CEP112: variants seen among roughly 807,000 people sequenced by gnomAD.
CEP112 encodes the protein centrosomal protein of 112 kDa.
Under a neutral mutation model 153.0 loss-of-function variants are expected in CEP112, and 127 were observed. The observed-to-expected ratio is 0.83, with a 90% CI of 0.72 to 0.96. The LOEUF (loss-of-function observed/expected upper bound fraction) is 0.96, where lower values mean the gene tolerates loss of function less well. Ranked by LOEUF, CEP112 falls within the 40% of genes least tolerant of loss-of-function variation. The pLI, the probability that CEP112 is intolerant of heterozygous loss-of-function variation, is 0.00. For synonymous variants in CEP112, 358 were observed against 374.4 expected (o/e 0.96, Z 0.51); for missense variants, 1,089 against 1,101.2 (o/e 0.99, Z 0.16).
intron 11 of CEP112, among the ~76,000 whole-genome samples, chr17:66,061,095 T>A (rs2066905061): frequency 6.6e-6 from 1 of 151,912 alleles, no homozygotes; most frequent in Admixed American, 6.6e-5. Flanking sequence ...GATTAAAAAA[T>A]AACCTAATGA....
intron 11 of CEP112, among the ~76,000 whole-genome samples, chr17:66,061,671 G>A (rs117930011): frequency 3.8e-3 from 582 of 152,166 alleles, no homozygotes; most frequent in South Asian, 8.3e-3. Context: ...GAAGGACATT[G>A]TGTTCAGTGG....
At chr17:66,157,321 C>T (rs1598459258) in intron 4 of CEP112, among the ~76,000 whole-genome samples, 2 of 152,188 alleles carry the variant, frequency 1.3e-5, no homozygotes, top group South Asian at 2.1e-4. Flanking sequence ...TACAGACGAG[C>T]AAATGTTGAG....
intron 16 of CEP112, among the ~76,000 whole-genome samples, chr17:66,023,010 A>C (rs146838600): frequency 0.01 from 1,547 of 152,194 alleles, 11 homozygotes; most frequent in Middle Eastern, 0.02. Context: ...GTTAAACAAA[A>C]ATAAACTAAA....
rs181051275 is a variant in CEP112 at position 65,826,112 on chromosome 17, G to A, written c.2394+25692C>T. 8.7e-6 allele frequency: 14 copies of A among 1,605,892 alleles called. No homozygotes were observed. The East Asian group carries it at 1.1e-4, about 13-fold the overall frequency. On this transcript the variant is annotated intron_variant, in intron 21 of 26. Coordinates refer to ENST00000535342, the MANE Select transcript of CEP112 (RefSeq NM_001199165.4). Reference sequence around the variant, plus strand: ...TTTTTCAGCAAGATCCCTATGTCAGGAGGACAGAGGTTGTCTTGTTCTTAC... The same window carrying A: ...TTTTTCAGCAAGATCCCTATGTCAGAAGGACAGAGGTTGTCTTGTTCTTAC...
At chr17:65,889,025 GC>G (rs1291289238) in intron 20 of CEP112, among the ~76,000 whole-genome samples, 1 of 152,106 alleles carries the variant, frequency 6.6e-6, no homozygotes, top group African/African-American at 2.4e-5. Flanking sequence ...AGGCGTGAAG[GC>G]TTTCTTAGTA....
rs144584656 is a variant in CEP112 at position 65,690,792 on chromosome 17, G to A, written c.2608-1574C>T. The stretch of plus-strand genomic sequence containing the variant: ...ATCAAAGCAGCAGCAGTGAAGTCAA[G>A]GACATAACAGGGTTCAAGTCACATC... On this transcript the variant is annotated intron_variant, in intron 23 of 26. Coordinates refer to ENST00000535342, the MANE Select transcript of CEP112 (RefSeq NM_001199165.4). Among the ~76,000 whole-genome samples the A allele has an allele frequency of 2.9e-4, 44 of 152,314 alleles. 1 individual carries two copies. Among genetic ancestry groups the A allele is most frequent in the Admixed American group, 2.4e-3 (36 of 15,294 alleles).
At chr17:65,998,761 T>A (rs2063896387) in intron 17 of CEP112, among the ~76,000 whole-genome samples, 1 of 152,140 alleles carries the variant, frequency 6.6e-6, no homozygotes, top group South Asian at 2.1e-4. Flanking sequence ...AGAGGGAACA[T>A]CTTATTATCT....
At position 65,837,148 on chromosome 17, in the gene CEP112, C is replaced by A. The variant is rs531329232; in HGVS notation, c.2394+14656G>T. 6.6e-5 allele frequency among the ~76,000 whole-genome samples: 10 copies of A among 152,290 alleles called. No individual in the cohort carries two copies. The South Asian group carries it at 2.1e-3, about 32-fold the overall frequency. On this transcript the variant is annotated intron_variant, in intron 21 of 26. Coordinates refer to ENST00000535342, the MANE Select transcript of CEP112 (RefSeq NM_001199165.4). ...GGAGTGCAGTGGCGTGATCTCGGCT[C>A]GCTACAACCTCCACATCCCAGCCGC... is the stretch of plus-strand genomic sequence containing the variant.
In CEP112 at chr17:65,770,939, A is replaced by G. The variant is rs2053314236; in HGVS notation, c.2395-20215T>C. 2.6e-5 allele frequency among the ~76,000 whole-genome samples: 4 copies of G among 151,474 alleles called. No homozygotes were observed. The South Asian group carries it at 8.3e-4, about 31-fold the overall frequency. ...GCAAGACTCCGTCTTAAAAAAAAAAAAAAAAGAAATAATTCAATAAAAGGT... is the reference window on the plus strand; with the variant it reads ...GCAAGACTCCGTCTTAAAAAAAAAAGAAAAAGAAATAATTCAATAAAAGGT... On this transcript the variant is annotated intron_variant, in intron 21 of 26. Transcript: ENST00000535342.
chr17:65,744,113 C>T (rs1034082781), intron 22 of CEP112, among the ~76,000 whole-genome samples: 3 of 152,030 alleles, frequency 2.0e-5, no homozygotes, highest in Non-Finnish European at 2.9e-5. Flanking sequence ...AGGACAAATA[C>T]CTTACGTTGT....
At chr17:65,729,911 T>TCAAACAAA (rs67336747) in intron 23 of CEP112, among the ~76,000 whole-genome samples, 3 of 151,232 alleles carry the variant, frequency 2.0e-5, no homozygotes, top group African/African-American at 7.3e-5. Flanking sequence ...AGATCCTGTC[T>TCAAACAAA]CAAACAAACA....
intron 21 of CEP112, among the ~76,000 whole-genome samples, chr17:65,812,149 G>A (rs1383440123): frequency 2.0e-5 from 3 of 151,738 alleles, no homozygotes; most frequent in Non-Finnish European, 4.4e-5. Context: ...GACTACAGGC[G>A]CCCGCCACCA....
chr17:65,796,869 C>CAAAAAAAAA (rs1220753944), intron 21 of CEP112, among the ~76,000 whole-genome samples: 1 of 40,572 alleles, frequency 2.5e-5, no homozygotes, highest in African/African-American at 8.4e-5. Context: ...CCCATCTCTA[C>CAAAAAAAAA]AAAAAAAAAA....
chr17:65,970,287 G>T (rs1196398670), intron 17 of CEP112, among the ~76,000 whole-genome samples: 4 of 147,844 alleles, frequency 2.7e-5, no homozygotes, highest in Non-Finnish European at 6.0e-5. Context: ...ATGTAGCATG[G>T]ATGTCATACT....
In CEP112 at chr17:65,776,002, CCT is replaced by C. The variant is rs1285124584; in HGVS notation, c.2395-25280_2395-25279del. On this transcript the variant is annotated intron_variant, in intron 21 of 26. Coordinates refer to ENST00000535342, the MANE Select transcript of CEP112 (RefSeq NM_001199165.4). Reference sequence around the variant, plus strand: ...CGTAATCAACCAAGAGGTGTCAGCCCCTGACTTCGAAAAGCCAGCTAATCAGA... The same window carrying C: ...CGTAATCAACCAAGAGGTGTCAGCCCGACTTCGAAAAGCCAGCTAATCAGA... Among the ~76,000 whole-genome samples the C allele has an allele frequency of 3.3e-5, 5 of 152,304 alleles. No individual in the cohort carries two copies. The East Asian group carries it at 9.6e-4, about 29-fold the overall frequency.
Position 66,065,025 on chromosome 17 carries a change from G to C in CEP112, c.955+1753C>G, listed in dbSNP as rs181473793. On this transcript the variant is annotated intron_variant, in intron 10 of 26. Coordinates refer to ENST00000535342, the MANE Select transcript of CEP112 (RefSeq NM_001199165.4). The stretch of plus-strand genomic sequence containing the variant: ...ATATACTCAGGTTTGATCTGGGGGA[G>C]AGCCAGTAAGTTCCATACAGAAAAT... Among the ~76,000 whole-genome samples, 37 of 152,290 alleles carry C rather than the reference G, an allele frequency of 2.4e-4. 1 individual carries two copies. Among genetic ancestry groups the C allele is most frequent in the Middle Eastern group, 3.4e-3 (1 of 294 alleles).
At chr17:65,970,437 T>G (rs533866219) in intron 17 of CEP112, among the ~76,000 whole-genome samples, 1 of 44,780 alleles carries the variant, frequency 2.2e-5, no homozygotes, top group Non-Finnish European at 4.7e-5. Context: ...CATGCACACA[T>G]CATGCATGTA....
At chr17:65,665,513 T>C (rs900143262) in intron 24 of CEP112, among the ~76,000 whole-genome samples, 2 of 152,186 alleles carry the variant, frequency 1.3e-5, no homozygotes, top group African/African-American at 2.4e-5. Context: ...CGAGGTTCTG[T>C]GGAACAGAAC....
At chr17:66,126,986 A>G (rs1038657869) in intron 6 of CEP112, among the ~76,000 whole-genome samples, 3 of 152,186 alleles carry the variant, frequency 2.0e-5, no homozygotes, top group Non-Finnish European at 4.4e-5. Context: ...TTTCTAATAA[A>G]TTGAATACTT....
Sources: allele counts gnomAD v4.1 joint callset (sites outside exome capture counted in the v4.1 genomes callset), GRCh38; gene constraint gnomAD v4.1.1; transcripts MANE v1.5; gene names NCBI Gene and HGNC (gene_info 2026-07-23, HGNC 2026-07-21).